AGL: variants seen among roughly 807,000 people sequenced by gnomAD.
AGL encodes the protein amylo-alpha-1,6-glucosidase and 4-alpha-glucanotransferase.
In AGL, 128 loss-of-function variants were observed where a neutral mutation model predicts 199.3. That is an observed-to-expected ratio of 0.64 (90% CI 0.56 to 0.74). The LOEUF (loss-of-function observed/expected upper bound fraction) is 0.74. Ranked by LOEUF, AGL falls within the 30% of genes least tolerant of loss-of-function variation. AGL has a pLI of 0.00. For synonymous variants in AGL, 584 were observed against 594.7 expected, an observed-to-expected ratio of 0.98 and a Z score of 0.26; for missense variants, 1,809 against 1,820.8, an observed-to-expected ratio of 0.99 and a Z score of 0.12.
intron 11 of AGL, among the ~76,000 whole-genome samples, 175 bp downstream of exon 11, chr1:99,876,772 A>C (rs1651575030): frequency 6.6e-6 from 1 of 152,214 alleles, no homozygotes; most frequent in Non-Finnish European, 1.5e-5. Context: ...CCAACAAAAA[A>C]AGAAGTTCAT....
intron 24 of AGL, 65 bp from the exon 25 acceptor site, chr1:99,896,221 G>A (rs1041601077): frequency 9.8e-6 from 13 of 1,323,134 alleles, no homozygotes; most frequent in Non-Finnish European, 1.4e-5. Flanking sequence ...CTATAGTAAT[G>A]GAGTTCATAG....
intron 25 of AGL, among the ~76,000 whole-genome samples, chr1:99,899,600 T>C (rs924264220): frequency 7.1e-6 from 1 of 141,796 alleles, no homozygotes; most frequent in Non-Finnish European, 1.5e-5. Flanking sequence ...TTCCTTCCTT[T>C]CTTTCTTTCC....
At chr1:99,860,137 C>G in intron 2 of AGL, among the ~76,000 whole-genome samples, 1 of 152,052 alleles carries the variant, frequency 6.6e-6, no homozygotes, top group East Asian at 1.9e-4. Context: ...AGAAGAAATT[C>G]TTAGTTTCAC....
rs555414281 is a variant in AGL at position 99,900,898 on chromosome 1, T to G, written c.3588+37T>G. ...TCTTAAAATGTTTTTTTGTTTTTTT[T>G]TTTTTTTCTGAAAAATGACTTTTAG... is the stretch of plus-strand genomic sequence containing the variant. On this transcript the variant is annotated intron_variant, in intron 26 of 33. Transcript: ENST00000361915. The G allele has an allele frequency of 1.3e-4, 200 of 1,520,678 alleles. 4 individuals are homozygous for G. The South Asian group carries it at 1.8e-3, about 14-fold the overall frequency. 94.2% of individuals were successfully genotyped at this position (1,520,678 alleles called of 1,614,324 possible).
chr1:99,895,020 CA>C (rs1036282286), intron 24 of AGL, among the ~76,000 whole-genome samples: 9 of 152,068 alleles, frequency 5.9e-5, no homozygotes, highest in Non-Finnish European at 1.3e-4. Flanking sequence ...TTCCCCTAAC[CA>C]AAATATGTGT....
chr1:99,905,046 T>G lies in AGL; in HGVS notation c.3700+2252T>G, dbSNP rs112204338. On this transcript the variant is annotated intron_variant, in intron 27 of 33. Transcript: ENST00000361915. ...GTATATGTTTTGTTTTAGAAGAAAC[T>G]GCCAAACTATTTTCCAGAGTGTTTT... Among the ~76,000 whole-genome samples, 535 of 152,352 alleles carry G rather than the reference T, an allele frequency of 3.5e-3. 4 individuals are homozygous for G. The highest frequency in any genetic ancestry group is 0.012 in the African/African-American group (513 of 41,578).
rs1654821677 is a variant in AGL, at chr1:99,912,505, G to T, written c.3937G>T (p.Val1313Leu). The T allele has an allele frequency of 6.2e-7, 1 of 1,610,008 alleles. No homozygotes were observed. Among genetic ancestry groups the T allele is most frequent in the African/African-American group, 1.3e-5 (1 of 74,820 alleles). ...KNIFPYHEVT[V>L]KRHGKAIKVS... is the part of the protein sequence containing the mutation. ...TATTTTCCCTTATCATGAAGTCACAGTAAAAAGACATGGTAAGCTGGTTAT... is the reference window on the plus strand; with the variant it reads ...TATTTTCCCTTATCATGAAGTCACATTAAAAAGACATGGTAAGCTGGTTAT... Residue 1313 changes from valine to leucine, a missense_variant, in exon 29 of 34, where the codon GTA (valine) becomes TTA (leucine). Coordinates refer to ENST00000361915, the MANE Select transcript of AGL (RefSeq NM_000642.3).
At chr1:99,890,084 AT>A (rs1652759410) in intron 21 of AGL, among the ~76,000 whole-genome samples, 1 of 152,104 alleles carries the variant, frequency 6.6e-6, no homozygotes, top group Admixed American at 6.5e-5. Context: ...AGTCATTATG[AT>A]TTGTGGATTC....
intron 24 of AGL, among the ~76,000 whole-genome samples, chr1:99,894,154 C>G (rs1653123741): frequency 6.6e-6 from 1 of 151,262 alleles, no homozygotes; most frequent in Non-Finnish European, 1.5e-5. Flanking sequence ...CACCACTGCA[C>G]TGCAGCCTGG....
intron 13 of AGL, 46 bp from the exon 14 acceptor site, chr1:99,880,586 G>A: frequency 6.3e-7 from 1 of 1,587,880 alleles, no homozygotes; most frequent in Non-Finnish European, 8.6e-7. Context: ...CCTCTTCCTG[G>A]ACATAAATAA....
At chr1:99,889,732 T>G (rs1652735080) in intron 21 of AGL, among the ~76,000 whole-genome samples, 1 of 152,226 alleles carries the variant, frequency 6.6e-6, no homozygotes, top group Non-Finnish European at 1.5e-5. Context: ...TTTTCTAGCC[T>G]TTGTCTTTCT....
intron 2 of AGL, among the ~76,000 whole-genome samples, chr1:99,857,787 C>T (rs1649652095): frequency 3.2e-5 from 1 of 31,560 alleles, no homozygotes; most frequent in Admixed American, 4.0e-4. Context: ...GGCTCGGCAT[C>T]AGAGGGAGAC....
At chr1:99,871,993 ATATT>A (rs1651058538) in intron 7 of AGL, among the ~76,000 whole-genome samples, 1 of 151,914 alleles carries the variant, frequency 6.6e-6, no homozygotes, top group Non-Finnish European at 1.5e-5. Context: ...CATAAATTTT[ATATT>A]TATTTTTATT....
chr1:99,861,011 A>G (rs1046180828), intron 2 of AGL, among the ~76,000 whole-genome samples: 1 of 152,208 alleles, frequency 6.6e-6, no homozygotes, highest in Non-Finnish European at 1.5e-5. Context: ...GTCAGTGAAG[A>G]CTAGCTTTCT....
At chr1:99,879,314 C>T (rs929058383) in intron 12 of AGL, among the ~76,000 whole-genome samples, 29 of 152,196 alleles carry the variant, frequency 1.9e-4, no homozygotes, top group African/African-American at 6.5e-4. Flanking sequence ...GGCCCAGGCA[C>T]GGTGGCTCAC....
chr1:99,919,441 C>T (rs1234607251), intron 33 of AGL, among the ~76,000 whole-genome samples: 3 of 152,138 alleles, frequency 2.0e-5, no homozygotes, highest in Admixed American at 6.5e-5. Context: ...ACTACCCCAG[C>T]CTGGAATTGG....
At chr1:99,860,457 A>G (rs1649941601) in intron 2 of AGL, among the ~76,000 whole-genome samples, 1 of 152,162 alleles carries the variant, frequency 6.6e-6, no homozygotes, top group Non-Finnish European at 1.5e-5. Context: ...GACCATAGTC[A>G]GTATTTTTGT....
At chr1:99,855,231 A>C (rs1649324891) in intron 2 of AGL, among the ~76,000 whole-genome samples, 1 of 152,012 alleles carries the variant, frequency 6.6e-6, no homozygotes, top group South Asian at 2.1e-4. Context: ...AAGAGAGGAC[A>C]AAGTATGAGT....
chr1:99,896,014 T>C (rs1035717639), intron 24 of AGL, among the ~76,000 whole-genome samples: 7 of 152,204 alleles, frequency 4.6e-5, no homozygotes, highest in African/African-American at 1.7e-4. Context: ...CACACCTCAA[T>C]TTAGATAAGT....
Sources: gnomAD v4.1 joint callset for allele counts (sites outside exome capture counted in the v4.1 genomes callset) on GRCh38, gnomAD v4.1.1 for gene constraint, MANE v1.5 for transcripts, NCBI Gene and HGNC (gene_info 2026-07-23, HGNC 2026-07-21) for gene names.